The following ST6GALNAC3 variants were observed in gnomAD, a reference collection of about 807,000 sequenced individuals.
ST6GALNAC3 encodes the protein ST6 N-acetylgalactosaminide alpha-2,6-sialyltransferase 3, also known as alpha-N-acetylgalactosaminide alpha-2,6-sialyltransferase 3.
In ST6GALNAC3, 25 loss-of-function variants were observed where a neutral mutation model predicts 32.7. The observed-to-expected ratio is 0.76, with a 90% CI of 0.56 to 1.07. ST6GALNAC3 has a LOEUF of 1.07. Among genes scored for constraint, ST6GALNAC3 ranks in the 50% least tolerant of loss-of-function variants. ST6GALNAC3 has a pLI of 0.00. For missense variants in ST6GALNAC3, 355 were observed against 382.4 expected (o/e 0.93, Z 0.60); for synonymous variants, 129 against 133.1 (o/e 0.97, Z 0.21).
intron 3 of ST6GALNAC3, among the ~76,000 whole-genome samples, chr1:76,526,209 G>A (rs55648624): frequency 0.015 from 2,244 of 151,966 alleles, 23 homozygotes; most frequent in Non-Finnish European, 0.024. Flanking sequence ...TATATAATAT[G>A]CAACACTCCC....
chr1:76,391,614 T>TC, intron 2 of ST6GALNAC3, among the ~76,000 whole-genome samples: 1 of 148,718 alleles, frequency 6.7e-6, no homozygotes, highest in Non-Finnish European at 1.5e-5. Flanking sequence ...TCCCTTCCCT[T>TC]CCTTTTCTTT....
rs145770744 is a variant in ST6GALNAC3, at chr1:76,590,897, A to T, written c.624-36555A>T. 2.0e-5 allele frequency among the ~76,000 whole-genome samples: 3 copies of T among 152,352 alleles called. No homozygotes were observed. The East Asian group carries it at 5.8e-4, about 29-fold the overall frequency. On this transcript the variant is annotated intron_variant, in intron 3 of 4. Transcript: ENST00000328299. ...AATATTAAAGTAGATGATTCATTTG[A>T]TTATTATTCAATAAATATGCATTGA...
At chr1:76,133,881 G>A (rs1449344103) in intron 1 of ST6GALNAC3, among the ~76,000 whole-genome samples, 3 of 152,132 alleles carry the variant, frequency 2.0e-5, no homozygotes. Flanking sequence ...CTTACAGAAT[G>A]ACAAGAAGAT....
intron 3 of ST6GALNAC3, among the ~76,000 whole-genome samples, chr1:76,590,422 C>T (rs991049391): frequency 2.0e-5 from 3 of 152,156 alleles, no homozygotes; most frequent in Non-Finnish European, 2.9e-5. Flanking sequence ...CAAACACACA[C>T]TTGGAATTAA....
At chr1:76,534,997 C>T (rs1013739860) in intron 3 of ST6GALNAC3, among the ~76,000 whole-genome samples, 1 of 152,082 alleles carries the variant, frequency 6.6e-6, no homozygotes, top group African/African-American at 2.4e-5. Flanking sequence ...TCCAATCTAA[C>T]TTGCTAAGAC....
chr1:76,600,627 C>T (rs1420570348), intron 3 of ST6GALNAC3, among the ~76,000 whole-genome samples: 1 of 152,182 alleles, frequency 6.6e-6, no homozygotes, highest in Non-Finnish European at 1.5e-5. Context: ...GTGGTTATGT[C>T]ACTGTGCTGA....
chr1:76,205,195 G>A (rs59542062), intron 1 of ST6GALNAC3, among the ~76,000 whole-genome samples: 11,547 of 152,236 alleles, frequency 0.076, 444 homozygotes, highest in Middle Eastern at 0.11. Context: ...AAGAACTTAT[G>A]CAGTTATTTT....
At chr1:76,080,608 C>G (rs1256323056) in intron 1 of ST6GALNAC3, among the ~76,000 whole-genome samples, 1 of 149,482 alleles carries the variant, frequency 6.7e-6, no homozygotes, top group Non-Finnish European at 1.5e-5. Context: ...TTTTGGTTCC[C>G]CAGATTAACA....
chr1:76,504,800 T>C (rs1557500437), intron 3 of ST6GALNAC3, among the ~76,000 whole-genome samples: 2 of 152,332 alleles, frequency 1.3e-5, no homozygotes, highest in Non-Finnish European at 2.9e-5. Flanking sequence ...TATTAAGTAG[T>C]AGTATCTATT....
intron 3 of ST6GALNAC3, among the ~76,000 whole-genome samples, chr1:76,525,276 C>T (rs1031726327): frequency 1.3e-5 from 2 of 152,060 alleles, no homozygotes; most frequent in African/African-American, 4.8e-5. Flanking sequence ...TCTAGGAACA[C>T]TGACATGAAG....
At chr1:76,577,997 G>A (rs545812403) in intron 3 of ST6GALNAC3, among the ~76,000 whole-genome samples, 1 of 152,178 alleles carries the variant, frequency 6.6e-6, no homozygotes, top group East Asian at 1.9e-4. Context: ...ATGGGGACTT[G>A]ATAATTGTTT....
At chr1:76,514,759 A>C (rs1295697204) in intron 3 of ST6GALNAC3, among the ~76,000 whole-genome samples, 1 of 152,136 alleles carries the variant, frequency 6.6e-6, no homozygotes, top group African/African-American at 2.4e-5. Flanking sequence ...TAAATTACCC[A>C]GTCTCTGGTA....
At chr1:76,611,958 T>C (rs908269422) in intron 3 of ST6GALNAC3, among the ~76,000 whole-genome samples, 2 of 152,220 alleles carry the variant, frequency 1.3e-5, no homozygotes, top group Non-Finnish European at 2.9e-5. Context: ...AACCCAGCTG[T>C]ACTTTCTCAG....
chr1:76,144,326 AG>A (rs781398897), intron 1 of ST6GALNAC3, among the ~76,000 whole-genome samples: 6 of 152,212 alleles, frequency 3.9e-5, no homozygotes, highest in Non-Finnish European at 8.8e-5. Flanking sequence ...CACATAAGCA[AG>A]AAGCCATAAG....
chr1:76,129,881 G>C (rs1649497190), intron 1 of ST6GALNAC3, among the ~76,000 whole-genome samples: 1 of 152,172 alleles, frequency 6.6e-6, no homozygotes, highest in Non-Finnish European at 1.5e-5. Context: ...AAACGAGCCT[G>C]CTGATACCCC....
intron 1 of ST6GALNAC3, among the ~76,000 whole-genome samples, chr1:76,246,484 G>A (rs1657265958): frequency 6.6e-6 from 1 of 152,126 alleles, no homozygotes; most frequent in African/African-American, 2.4e-5. Flanking sequence ...CACATTAGTT[G>A]ATGCAGTTTC....
intron 3 of ST6GALNAC3, among the ~76,000 whole-genome samples, chr1:76,573,601 T>A (rs905645643): frequency 1.3e-5 from 2 of 151,730 alleles, no homozygotes; most frequent in Non-Finnish European, 2.9e-5. Context: ...TCCATGCTTG[T>A]AGAGATGTTC....
chr1:76,261,311 T>G (rs959623751), intron 1 of ST6GALNAC3, among the ~76,000 whole-genome samples: 8 of 152,196 alleles, frequency 5.3e-5, no homozygotes, highest in African/African-American at 1.9e-4. Flanking sequence ...CAAGCATTCC[T>G]TTATTGATGG....
At chr1:76,433,270 G>A (rs4949631) in intron 3 of ST6GALNAC3, among the ~76,000 whole-genome samples, 132,747 of 152,036 alleles carry the variant, frequency 0.87, 58,147 homozygotes, top group Admixed American at 0.92. Flanking sequence ...TCATTTTTCC[G>A]TAAGATTTTT....
Sources: allele counts gnomAD v4.1 joint callset (sites outside exome capture counted in the v4.1 genomes callset), GRCh38; gene constraint gnomAD v4.1.1; transcripts MANE v1.5; gene names NCBI Gene and HGNC (gene_info 2026-07-23, HGNC 2026-07-21).